Variants in ZFR2 observed in about 807,000 individuals in gnomAD.
The protein encoded by ZFR2 is zinc finger RNA binding protein 2.
A neutral mutation model predicts 105.7 loss-of-function variants in ZFR2; 104 were observed. That is an observed-to-expected ratio of 0.98 (90% CI 0.84 to 1.16). The LOEUF (loss-of-function observed/expected upper bound fraction) is 1.16. Among genes scored for constraint, ZFR2 ranks in the 50% most tolerant of loss-of-function variants. The pLI, the probability that ZFR2 is intolerant of heterozygous loss-of-function variation, is 0.00. For synonymous variants in ZFR2, 634 were observed against 597.7 expected, an observed-to-expected ratio of 1.06 and a Z score of -0.89; for missense variants, 1,425 against 1,355.5, an observed-to-expected ratio of 1.05 and a Z score of -0.80.
Position 3,805,945 on chromosome 19 carries a change from C to T in ZFR2, c.*4G>A, listed in dbSNP as rs761165824. The stretch of plus-strand genomic sequence containing the variant: ...AAGGCCCGCAGGTGGGGGAGGTAGG[C>T]GGCTCACACGAGCCCCTCTCCGCCC... On this transcript the variant is annotated 3_prime_UTR_variant, in exon 19 of 19. Transcript: ENST00000262961. The T allele has an allele frequency of 2.6e-6, 4 of 1,526,330 alleles. No individual in the cohort carries two copies. The highest frequency in any genetic ancestry group is 2.5e-5 in the East Asian group (1 of 40,016). 94.5% of individuals were successfully genotyped at this position (1,526,330 alleles called of 1,614,324 possible).
rs367757536 is a variant in ZFR2, at chr19:3,814,042, T to C, written c.2104-84A>G. ...TCAGCCAGGATGTGGTTGGTGTGTG[T>C]AAATTAATCCCGTCGGGCCTCCCAC... is the stretch of plus-strand genomic sequence containing the variant. On this transcript the variant is annotated intron_variant, in intron 13 of 18. Transcript: ENST00000262961. 9 of 1,565,220 alleles carry C rather than the reference T, an allele frequency of 5.7e-6. No individual in the cohort carries two copies. In the Admixed American group the frequency reaches 7.8e-5, roughly 13 times the overall value.
chr19:3,853,351 G>A (rs2038262188), intron 1 of ZFR2, among the ~76,000 whole-genome samples: 1 of 152,210 alleles, frequency 6.6e-6, no homozygotes, highest in Non-Finnish European at 1.5e-5. Flanking sequence ...GCCCTGCCCT[G>A]ATCCCCTGAA....
In ZFR2 at chr19:3,823,821, A is replaced by G. The variant is rs992436556; in HGVS notation, c.1214-418T>C. Among the ~76,000 whole-genome samples, 7 of 152,206 alleles carry G rather than the reference A, an allele frequency of 4.6e-5. No individual in the cohort carries two copies. Among genetic ancestry groups the G allele is most frequent in the African/African-American group, 1.2e-4 (5 of 41,446 alleles). On this transcript the variant is annotated intron_variant, in intron 7 of 18. Coordinates refer to ENST00000262961, the MANE Select transcript of ZFR2 (RefSeq NM_015174.2). This position sits in a 1 kb window ranked among gnomAD's most constrained non-coding sequence, Gnocchi z 5.4. ...ACTTGATGGTTTGATCTTCAAAATC[A>G]TGTTGCTATTCAAGAATCAACGCTG...
At chr19:3,861,144 TCTCCA>T (rs2145194425) in intron 1 of ZFR2, among the ~76,000 whole-genome samples, 1 of 151,890 alleles carries the variant, frequency 6.6e-6, no homozygotes, top group African/African-American at 2.4e-5. Context: ...CCATGCCGCC[TCTCCA>T]CTCTCCGCCA....
At chr19:3,808,736 G>T in intron 17 of ZFR2, 136 bp downstream of exon 17, 1 of 681,652 alleles carries the variant, frequency 1.5e-6, no homozygotes, top group Non-Finnish European at 2.4e-6. Flanking sequence ...GAGCATGTGT[G>T]TGTTGTGGGC....
At chr19:3,827,326 G>T (rs2037961659) in intron 6 of ZFR2, 145 bp downstream of exon 6, 2 of 893,766 alleles carry the variant, frequency 2.2e-6, no homozygotes, top group Admixed American at 3.7e-5. Context: ...GCATGGGCCT[G>T]GGCGGCTGGC....
Position 3,819,153 on chromosome 19 carries a change from AG to A in ZFR2, c.1822del (p.Leu608TrpfsTer46). On this transcript the variant is annotated frameshift_variant, in exon 12 of 19. Coordinates refer to ENST00000262961, the MANE Select transcript of ZFR2 (RefSeq NM_015174.2). LOFTEE classifies it high-confidence loss of function. ...ATIYPTEQEL[L>X]AVQRAVSHAE... ...GTGGGACACGGCCCTCTGCACGGCC[AG>A]GAGCTCCTGCTCCGTGGGGTAGATG... 1 of 1,606,868 alleles carries A rather than the reference AG, an allele frequency of 6.2e-7. No homozygotes were observed. The highest frequency in any genetic ancestry group is 8.5e-7 in the Non-Finnish European group (1 of 1,178,722).
At chr19:3,821,529 G>A in intron 9 of ZFR2, 50 bp from the exon 10 acceptor site, 1 of 1,504,256 alleles carries the variant, frequency 6.6e-7, no homozygotes, top group Non-Finnish European at 9.0e-7. Flanking sequence ...CTTTAGACAG[G>A]GATGCCAGGA....
intron 3 of ZFR2, among the ~76,000 whole-genome samples, chr19:3,832,345 C>T (rs1204840653): frequency 3.3e-5 from 5 of 149,624 alleles, no homozygotes; most frequent in African/African-American, 7.4e-5. Context: ...TTTTTTGAGT[C>T]GGAGTCTTGC....
In ZFR2 at chr19:3,827,556, G is replaced by A. The variant is rs564576533; in HGVS notation, c.950C>T (p.Ala317Val). ...GGCGCACAGGTCGCAATGCAGCTGC[G>A]CCTGCACCCCGCGCGGGCTCCCGTT... ...QPNGSPRGVQ[A>V]QLHCDLCAVS... The change falls in exon 6 of 19, where the codon GCG becomes GTG. Residue 317 changes from alanine to valine, a missense_variant. Ala to Val is a moderately conservative substitution (Grantham distance 64). Transcript: ENST00000262961. 1.5e-5 allele frequency: 24 copies of A among 1,564,298 alleles called. No individual in the cohort carries two copies. The highest frequency in any genetic ancestry group is 1.7e-4 in the Middle Eastern group (1 of 5,924).
intron 14 of ZFR2, among the ~76,000 whole-genome samples, chr19:3,811,818 T>G (rs2037768254): frequency 6.6e-6 from 1 of 151,960 alleles, no homozygotes; most frequent in Non-Finnish European, 1.5e-5. Context: ...TGGAGTGCAG[T>G]GGTGTGACTG....
intron 1 of ZFR2, among the ~76,000 whole-genome samples, chr19:3,846,827 C>T (rs1027518903): frequency 2.0e-5 from 3 of 152,140 alleles, no homozygotes; most frequent in East Asian, 1.9e-4. Context: ...ACCTATTATC[C>T]GATTGGTGGA....
intron 18 of ZFR2, 122 bp downstream of exon 18, chr19:3,807,050 T>C: frequency 1.3e-6 from 1 of 746,598 alleles, no homozygotes; most frequent in Non-Finnish European, 2.2e-6. Flanking sequence ...CGCCCTCCTG[T>C]TCCTGTACAT....
At chr19:3,816,160 C>CAA (rs1278785267) in intron 13 of ZFR2, among the ~76,000 whole-genome samples, 2 of 151,640 alleles carry the variant, frequency 1.3e-5, no homozygotes, top group East Asian at 3.9e-4. Context: ...CTCAGCCTCT[C>CAA]AAAGTGCTGG....
Position 3,813,797 on chromosome 19 carries a change from TGGAA to T in ZFR2, c.2242+19_2242+22del. 6.2e-7 allele frequency: 1 copy of T among 1,612,220 alleles called. No individual in the cohort carries two copies. The highest frequency in any genetic ancestry group is 8.5e-7 in the Non-Finnish European group (1 of 1,179,084). ...GGGGAAGCGTGAGGGGGACAGTGGTTGGAAGGAAGGGCTGGGCCGCACCTGGGTC... is the reference window on the plus strand; with the variant it reads ...GGGGAAGCGTGAGGGGGACAGTGGTTGGAAGGGCTGGGCCGCACCTGGGTC... On this transcript the variant is annotated intron_variant, in intron 14 of 18. Transcript: ENST00000262961. The surrounding 1 kb of genome is among the most constrained non-coding windows in gnomAD (Gnocchi z 4.4).
rs774114067 is a variant in ZFR2, at chr19:3,855,542, C to T, written c.53+13423G>A. 66 of 978,708 alleles carry T rather than the reference C, an allele frequency of 6.7e-5. No individual in the cohort carries two copies. In the Middle Eastern group the frequency reaches 1.1e-3, roughly 16 times the overall value. 60.6% of individuals were successfully genotyped at this position (978,708 alleles called of 1,614,324 possible). ...AGCGGGGAATAACCAGACCAAAGTCCCGTCCTCCAGGAGGGTGCTGCGCGA... is the reference window on the plus strand; with the variant it reads ...AGCGGGGAATAACCAGACCAAAGTCTCGTCCTCCAGGAGGGTGCTGCGCGA... On this transcript the variant is annotated intron_variant, in intron 1 of 18. Transcript: ENST00000262961.
rs556661434 is a variant in ZFR2, at chr19:3,834,401, G to T, written c.264+372C>A. ...GCGTGGGGAAGGTGGGGTGAGTCCT[G>T]GTCTCTCTGGGCCCAGGTGGCCGAG... On this transcript the variant is annotated intron_variant, in intron 2 of 18. Coordinates refer to ENST00000262961, the MANE Select transcript of ZFR2 (RefSeq NM_015174.2). The surrounding 1 kb of genome is among the most constrained non-coding windows in gnomAD (Gnocchi z 5.3). 6.6e-6 allele frequency among the ~76,000 whole-genome samples: 1 copy of T among 152,222 alleles called. No individual in the cohort carries two copies. The highest frequency in any genetic ancestry group is 6.5e-5 in the Admixed American group (1 of 15,292).
chr19:3,850,723 A>AAACAAC (rs59895843), intron 1 of ZFR2, among the ~76,000 whole-genome samples: 39 of 148,208 alleles, frequency 2.6e-4, no homozygotes, highest in African/African-American at 9.5e-4. Flanking sequence ...CTCTACAGAA[A>AAACAAC]AACAACAACA....
intron 13 of ZFR2, among the ~76,000 whole-genome samples, chr19:3,814,923 G>C (rs2037808760): frequency 6.6e-6 from 1 of 152,056 alleles, no homozygotes; most frequent in Non-Finnish European, 1.5e-5. Flanking sequence ...GCCTCTGCAG[G>C]TGCTGGTCAT....
Sources: gnomAD v4.1 joint callset for allele counts (sites outside exome capture counted in the v4.1 genomes callset) on GRCh38, gnomAD v4.1.1 for gene constraint, Gnocchi (gnomAD v3.1) non-coding constraint, MANE v1.5 for transcripts, NCBI Gene and HGNC (gene_info 2026-07-23, HGNC 2026-07-21) for gene names.